Variants in GALNTL6 observed in about 807,000 individuals in gnomAD.
The protein encoded by GALNTL6 is polypeptide N-acetylgalactosaminyltransferase-like 6.
GALNTL6 carries 46 observed loss-of-function variants against 73.7 expected under a neutral mutation model. That is an observed-to-expected ratio of 0.62 (90% CI 0.49 to 0.80). The LOEUF is 0.80. Among genes scored for constraint, GALNTL6 ranks in the 30% least tolerant of loss-of-function variants. GALNTL6 has a pLI of 0.00. For missense variants in GALNTL6, 604 were observed against 755.0 expected (o/e 0.80, Z 2.34); for synonymous variants, 259 against 263.7 (o/e 0.98, Z 0.17).
At chr4:172,915,494 T>C (rs1459219016) in intron 8 of GALNTL6, among the ~76,000 whole-genome samples, 1 of 151,890 alleles carries the variant, frequency 6.6e-6, no homozygotes, top group East Asian at 1.9e-4. Flanking sequence ...AATAGATAGA[T>C]GGCTAGCAAG....
intron 5 of GALNTL6, among the ~76,000 whole-genome samples, chr4:172,613,420 C>T (rs1738604519): frequency 6.6e-6 from 1 of 151,798 alleles, no homozygotes; most frequent in Non-Finnish European, 1.5e-5. Context: ...TACTAGGAAG[C>T]AAGGGCTACT....
intron 7 of GALNTL6, among the ~76,000 whole-genome samples, chr4:172,847,825 C>T (rs760268565): frequency 2.6e-5 from 4 of 152,174 alleles, no homozygotes; most frequent in Non-Finnish European, 5.9e-5. Context: ...ACTTACAAGA[C>T]ATGAGGGATC....
At chr4:173,002,448 A>G (rs1561079769) in intron 10 of GALNTL6, among the ~76,000 whole-genome samples, 1 of 152,162 alleles carries the variant, frequency 6.6e-6, no homozygotes, top group East Asian at 1.9e-4. Flanking sequence ...ATGAATGGAT[A>G]CAAATTTGGC....
chr4:171,927,844 C>A (rs977207243), intron 2 of GALNTL6, among the ~76,000 whole-genome samples: 2 of 152,160 alleles, frequency 1.3e-5, no homozygotes, highest in Non-Finnish European at 2.9e-5. Context: ...TCATTCAGAT[C>A]TCAGCTCAAA....
At chr4:172,095,954 A>AT (rs1322784636) in intron 2 of GALNTL6, among the ~76,000 whole-genome samples, 2 of 151,658 alleles carry the variant, frequency 1.3e-5, no homozygotes, top group East Asian at 1.9e-4. Flanking sequence ...TAGATAATTT[A>AT]TTTTTTCCCA....
intron 2 of GALNTL6, among the ~76,000 whole-genome samples, chr4:171,917,093 C>T (rs1383456255): frequency 1.3e-5 from 2 of 152,040 alleles, no homozygotes; most frequent in Non-Finnish European, 2.9e-5. Context: ...ATTTCTGGCT[C>T]AAACTTCCCA....
chr4:172,789,976 A>G (rs1025229637), intron 5 of GALNTL6, among the ~76,000 whole-genome samples: 2 of 152,270 alleles, frequency 1.3e-5, no homozygotes, highest in African/African-American at 4.8e-5. Context: ...TGCTATGGAA[A>G]TAAAAATGAA....
intron 5 of GALNTL6, among the ~76,000 whole-genome samples, chr4:172,807,059 T>G (rs911168734): frequency 1.2e-4 from 18 of 152,314 alleles, no homozygotes; most frequent in Admixed American, 9.2e-4. Flanking sequence ...AGTGGTGTCA[T>G]TTTTGTCTTC....
intron 5 of GALNTL6, among the ~76,000 whole-genome samples, chr4:172,587,310 G>T (rs1402905311): frequency 6.6e-6 from 1 of 152,176 alleles, no homozygotes; most frequent in Non-Finnish European, 1.5e-5. Context: ...AAATGGACTT[G>T]ATTGCTATTA....
At position 172,813,676 on chromosome 4, in the gene GALNTL6, C is replaced by A; in HGVS notation, c.876C>A (p.Ile292=). 1.9e-6 allele frequency: 3 copies of A among 1,612,610 alleles called. No individual in the cohort carries two copies. Among genetic ancestry groups the A allele is most frequent in the South Asian group, 1.1e-5 (1 of 90,906 alleles). ...AFDWEMYYKR[I]PIPPELQRAD... ...ACTGGGAAATGTACTACAAAAGAATCCCCATCCCTCCAGAGCTCCAGAGGG... is the reference window on the plus strand; with the variant it reads ...ACTGGGAAATGTACTACAAAAGAATACCCATCCCTCCAGAGCTCCAGAGGG... The change falls in exon 7 of 13, where the codon ATC becomes ATA. Residue 292 remains isoleucine, a synonymous_variant. Transcript: ENST00000506823.
intron 5 of GALNTL6, among the ~76,000 whole-genome samples, chr4:172,355,784 C>T (rs370141168): frequency 1.2e-4 from 18 of 152,160 alleles, no homozygotes; most frequent in African/African-American, 4.1e-4. Context: ...ATTTTTCTAA[C>T]TCACATTTCA....
At chr4:172,605,888 T>C (rs1398814378) in intron 5 of GALNTL6, among the ~76,000 whole-genome samples, 4 of 151,882 alleles carry the variant, frequency 2.6e-5, no homozygotes, top group African/African-American at 9.7e-5. Context: ...ATCCTGCAAA[T>C]AGGATACCAT....
At chr4:172,417,762 G>T (rs1730897729) in intron 5 of GALNTL6, among the ~76,000 whole-genome samples, 1 of 152,170 alleles carries the variant, frequency 6.6e-6, no homozygotes, top group South Asian at 2.1e-4. Flanking sequence ...TCTTTTGGAA[G>T]AGAGTATCAA....
At chr4:171,957,034 C>T (rs774816072) in intron 2 of GALNTL6, among the ~76,000 whole-genome samples, 4 of 152,190 alleles carry the variant, frequency 2.6e-5, no homozygotes, top group Non-Finnish European at 5.9e-5. Flanking sequence ...TAAGGTCTTG[C>T]CACATGATGG....
At chr4:172,004,630 A>C (rs745773975) in intron 2 of GALNTL6, among the ~76,000 whole-genome samples, 1 of 152,284 alleles carries the variant, frequency 6.6e-6, no homozygotes, top group East Asian at 1.9e-4. Context: ...AAACAGATGC[A>C]TTCAGATTAA....
At chr4:172,534,287 A>G (rs574910360) in intron 5 of GALNTL6, among the ~76,000 whole-genome samples, 1 of 152,252 alleles carries the variant, frequency 6.6e-6, no homozygotes, top group Admixed American at 6.5e-5. Flanking sequence ...GGCCTTCTAC[A>G]TTGCTAGAAA....
At chr4:172,112,198 G>A (rs1026326643) in intron 2 of GALNTL6, among the ~76,000 whole-genome samples, 2 of 151,872 alleles carry the variant, frequency 1.3e-5, no homozygotes, top group African/African-American at 4.8e-5. Context: ...TGCATTTATG[G>A]CCTTTCCATA....
At chr4:172,657,910 G>A (rs1256284701) in intron 5 of GALNTL6, among the ~76,000 whole-genome samples, 2 of 152,018 alleles carry the variant, frequency 1.3e-5, no homozygotes, top group African/African-American at 2.4e-5. Context: ...CAGCACTTTG[G>A]GAGGCCGAGG....
intron 10 of GALNTL6, among the ~76,000 whole-genome samples, chr4:173,006,440 T>C (rs901979056): frequency 1.3e-5 from 2 of 152,138 alleles, no homozygotes; most frequent in Non-Finnish European, 2.9e-5. Context: ...ATTTACAGAG[T>C]GTGCCAGGCT....
Sources: allele counts gnomAD v4.1 joint callset (sites outside exome capture counted in the v4.1 genomes callset), GRCh38; gene constraint gnomAD v4.1.1; transcripts MANE v1.5; gene names NCBI Gene and HGNC (gene_info 2026-07-23, HGNC 2026-07-21).